The following LRRC28 variants were observed in gnomAD, a reference collection of about 807,000 sequenced individuals.
LRRC28 encodes the protein leucine-rich repeat-containing protein 28.
Under a neutral mutation model 45.7 loss-of-function variants are expected in LRRC28, and 39 were observed. The observed-to-expected ratio is 0.85, with a 90% CI of 0.66 to 1.12. The LOEUF (loss-of-function observed/expected upper bound fraction) is 1.12. LRRC28 is among the 50% of genes most tolerant of loss of function. The pLI is 0.00. For synonymous variants in LRRC28, 206 were observed against 178.8 expected (o/e 1.15, Z -1.22); for missense variants, 435 against 438.5 (o/e 0.99, Z 0.07).
intron 5 of LRRC28, among the ~76,000 whole-genome samples, chr15:99,312,500 T>G (rs1955450019): frequency 6.6e-6 from 1 of 152,210 alleles, no homozygotes; most frequent in Non-Finnish European, 1.5e-5. Flanking sequence ...CTGAAAGACC[T>G]GCCTAAGGCT....
Position 99,255,908 on chromosome 15 carries a change from A to G in LRRC28, c.-50A>G. 2.6e-6 allele frequency: 4 copies of G among 1,534,200 alleles called. No homozygotes were observed. The highest frequency in any genetic ancestry group is 3.5e-6 in the Non-Finnish European group (4 of 1,144,464). On this transcript the variant is annotated 5_prime_UTR_variant, in exon 2 of 10. Coordinates refer to ENST00000301981, the MANE Select transcript of LRRC28 (RefSeq NM_144598.5). ...TCGTTCTCTTTATAGAAATGGACCA[A>G]TTTTGACAAGATATAGTGCTGCAGC...
intron 5 of LRRC28, among the ~76,000 whole-genome samples, chr15:99,301,816 T>C (rs1441882691): frequency 6.6e-6 from 1 of 152,088 alleles, no homozygotes. Context: ...TACTTCTAAA[T>C]CAGAAACATA....
intron 6 of LRRC28, among the ~76,000 whole-genome samples, chr15:99,348,330 C>T (rs1049438175): frequency 1.3e-5 from 2 of 151,930 alleles, no homozygotes; most frequent in African/African-American, 2.4e-5. Context: ...GGTGTGATAT[C>T]GAAAAAATCA....
In LRRC28 at chr15:99,298,793, TCTC is replaced by T. The variant is rs554559429; in HGVS notation, c.385+10848_385+10850del. Reference sequence around the variant, plus strand: ...GTGCAATTTTGGCTCACTGCAACCTTCTCCTCCTGGGTTGAAGCGATTCTCCTG... The same window carrying T: ...GTGCAATTTTGGCTCACTGCAACCTTCTCCTGGGTTGAAGCGATTCTCCTG... On this transcript the variant is annotated intron_variant, in intron 5 of 9. Coordinates refer to ENST00000301981, the MANE Select transcript of LRRC28 (RefSeq NM_144598.5). Among the ~76,000 whole-genome samples the T allele has an allele frequency of 1.5e-3, 222 of 152,126 alleles. 2 individuals carry two copies. Among genetic ancestry groups the T allele is most frequent in the African/African-American group, 5.2e-3 (214 of 41,512 alleles).
At chr15:99,258,395 C>T in intron 2 of LRRC28, 1 of 1,008,662 alleles carries the variant, frequency 9.9e-7, no homozygotes, top group Non-Finnish European at 1.6e-6. Context: ...ATTTGATTAC[C>T]TTGCATTGGA....
At chr15:99,257,103 A>G (rs1490076714) in intron 2 of LRRC28, among the ~76,000 whole-genome samples, 2 of 152,220 alleles carry the variant, frequency 1.3e-5, no homozygotes. Context: ...ATCTATGTAC[A>G]ATGCCTATAG....
rs374837601 is a variant in LRRC28, at chr15:99,265,032, A to G, written c.168+8907A>G. Among the ~76,000 whole-genome samples the G allele has an allele frequency of 7.9e-5, 12 of 152,210 alleles. No individual in the cohort carries two copies. In the East Asian group the frequency reaches 2.1e-3, roughly 27 times the overall value. Reference sequence around the variant, plus strand: ...TCTGATGCTTTTACCAGGTCAGACCATCTGCTTGGGAATGAACATTTGGGG... The same window carrying G: ...TCTGATGCTTTTACCAGGTCAGACCGTCTGCTTGGGAATGAACATTTGGGG... On this transcript the variant is annotated intron_variant, in intron 2 of 9. Coordinates refer to ENST00000301981, the MANE Select transcript of LRRC28 (RefSeq NM_144598.5).
At chr15:99,297,105 C>T (rs1240437649) in intron 5 of LRRC28, among the ~76,000 whole-genome samples, 4 of 147,732 alleles carry the variant, frequency 2.7e-5, no homozygotes, top group Non-Finnish European at 5.9e-5. Flanking sequence ...CGCCTGAACC[C>T]GGGAGGCAGA....
chr15:99,361,452 T>TC lies in LRRC28; in HGVS notation c.815dup (p.Leu273SerfsTer47). ...ATAGGGACGGAGCATGATCACGTCC[T>TC]CCCTCTGCAGGAATTGGCTATGAGA... On this transcript the variant is annotated frameshift_variant, in exon 8 of 10. Transcript: ENST00000301981. LOFTEE classifies it high-confidence loss of function. 6.2e-7 allele frequency: 1 copy of TC among 1,613,924 alleles called. No homozygotes were observed. Among genetic ancestry groups the TC allele is most frequent in the Non-Finnish European group, 8.5e-7 (1 of 1,179,920 alleles).
intron 6 of LRRC28, among the ~76,000 whole-genome samples, chr15:99,351,026 G>A (rs970597312): frequency 2.0e-5 from 3 of 152,040 alleles, no homozygotes; most frequent in Non-Finnish European, 2.9e-5. Flanking sequence ...TCTTGAACTC[G>A]TGGGCTCTAG....
chr15:99,312,252 A>C (rs1955440841), intron 5 of LRRC28, among the ~76,000 whole-genome samples: 1 of 152,242 alleles, frequency 6.6e-6, no homozygotes, highest in South Asian at 2.1e-4. Flanking sequence ...CTCCTAGGCT[A>C]CAAACCTGTG....
intron 2 of LRRC28, among the ~76,000 whole-genome samples, chr15:99,256,796 G>A (rs1430068319): frequency 6.6e-6 from 1 of 152,138 alleles, no homozygotes; most frequent in African/African-American, 2.4e-5. Context: ...TAAACTAAAA[G>A]TTTTTCAAGA....
chr15:99,280,942 C>G (rs1488516383), intron 3 of LRRC28, among the ~76,000 whole-genome samples: 1 of 151,836 alleles, frequency 6.6e-6, no homozygotes, highest in Non-Finnish European at 1.5e-5. Flanking sequence ...ATTGTATGTT[C>G]TGTGTTAAAA....
intron 9 of LRRC28, among the ~76,000 whole-genome samples, chr15:99,374,805 C>T (rs1957579211): frequency 6.6e-6 from 1 of 151,614 alleles, no homozygotes; most frequent in South Asian, 2.1e-4. Flanking sequence ...GTAGCTGGGA[C>T]TACAGGCGCC....
chr15:99,343,579 A>G (rs1956586533), intron 6 of LRRC28, among the ~76,000 whole-genome samples: 1 of 152,246 alleles, frequency 6.6e-6, no homozygotes, highest in Non-Finnish European at 1.5e-5. Context: ...AAAAAGCCAC[A>G]TGAAAAAGTT....
At chr15:99,307,652 GT>G (rs1955235583) in intron 5 of LRRC28, among the ~76,000 whole-genome samples, 1 of 152,106 alleles carries the variant, frequency 6.6e-6, no homozygotes, top group African/African-American at 2.4e-5. Context: ...TGCCTTCCCA[GT>G]TTATTTCTAT....
intron 3 of LRRC28, among the ~76,000 whole-genome samples, chr15:99,277,663 G>A (rs1393266523): frequency 3.3e-5 from 5 of 152,094 alleles, no homozygotes; most frequent in Admixed American, 2.6e-4. Flanking sequence ...ATTTTTTGTG[G>A]TGTTTGACCC....
chr15:99,257,545 G>T (rs73471364), intron 2 of LRRC28: 1 of 492,870 alleles, frequency 2.0e-6, no homozygotes, highest in Non-Finnish European at 3.8e-6. Context: ...CACGCGGCTG[G>T]AGGTGTGAGG....
At chr15:99,276,694 T>C (rs1457741183) in intron 3 of LRRC28, 78 bp downstream of exon 3, 9 of 1,140,336 alleles carry the variant, frequency 7.9e-6, no homozygotes, top group Non-Finnish European at 1.1e-5. Flanking sequence ...GGATATGTCA[T>C]CTTAATGTAT....
Sources: allele counts gnomAD v4.1 joint callset (sites outside exome capture counted in the v4.1 genomes callset), GRCh38; gene constraint gnomAD v4.1.1; transcripts MANE v1.5; gene names NCBI Gene and HGNC (gene_info 2026-07-23, HGNC 2026-07-21).